The following GALNT17 variants were observed in gnomAD, a reference collection of about 807,000 sequenced individuals.
GALNT17 encodes the protein polypeptide N-acetylgalactosaminyltransferase 17, also known as UDP-GalNAc:polypeptide N-acetylgalactosaminyltransferase-like 3.
GALNT17 carries 29 observed loss-of-function variants against 63.7 expected under a neutral mutation model. The observed-to-expected ratio is 0.46, with a 90% CI of 0.34 to 0.62. The LOEUF is 0.62. Ranked by LOEUF, GALNT17 falls within the 20% of genes least tolerant of loss-of-function variation. GALNT17 has a pLI of 0.01. For synonymous variants in GALNT17, 305 were observed against 318.3 expected (o/e 0.96, Z 0.45); for missense variants, 603 against 799.6 (o/e 0.75, Z 2.97).
intron 1 of GALNT17, among the ~76,000 whole-genome samples, chr7:71,273,839 A>ATG (rs151111481): frequency 0.31 from 46,114 of 150,032 alleles, 7,425 homozygotes; most frequent in Admixed American, 0.4. Context: ...TAATGAGATA[A>ATG]TGTGTGTGTG....
chr7:71,393,297 A>C (rs943249522), intron 3 of GALNT17, among the ~76,000 whole-genome samples: 1 of 152,146 alleles, frequency 6.6e-6, no homozygotes, highest in Non-Finnish European at 1.5e-5. Context: ...TTTGATTAAA[A>C]CTTTTTTTTC....
Position 71,506,846 on chromosome 7 carries a change from G to A in GALNT17, c.963-64439G>A, listed in dbSNP as rs141604334. Among the ~76,000 whole-genome samples the A allele has an allele frequency of 7.7e-4, 118 of 152,282 alleles. 1 individual carries two copies. The highest frequency in any genetic ancestry group is 2.8e-3 in the African/African-American group (115 of 41,552). On this transcript the variant is annotated intron_variant, in intron 5 of 10. Coordinates refer to ENST00000333538, the MANE Select transcript of GALNT17 (RefSeq NM_022479.3). ...AGAACTTATTCTTCCCATCTGTTAG[G>A]TTGGTGGCAAAGTAATTGCCATTGA...
intron 1 of GALNT17, among the ~76,000 whole-genome samples, chr7:71,223,706 C>T (rs1248597630): frequency 1.3e-5 from 2 of 152,094 alleles, no homozygotes; most frequent in African/African-American, 4.8e-5. Flanking sequence ...CTCCTTCCTC[C>T]CACCCTCCAC....
intron 6 of GALNT17, among the ~76,000 whole-genome samples, chr7:71,640,335 A>G (rs1321115738): frequency 6.6e-6 from 1 of 151,492 alleles, no homozygotes; most frequent in Non-Finnish European, 1.5e-5. Context: ...TTTTTTTTTT[A>G]GATGATGGCT....
intron 1 of GALNT17, among the ~76,000 whole-genome samples, chr7:71,176,668 C>T (rs1788644313): frequency 2.0e-5 from 3 of 152,162 alleles, no homozygotes; most frequent in South Asian, 4.2e-4. Context: ...AACTTTGAGC[C>T]GAATAGGGTT....
At chr7:71,272,313 T>C (rs1447643543) in intron 1 of GALNT17, among the ~76,000 whole-genome samples, 1 of 152,208 alleles carries the variant, frequency 6.6e-6, no homozygotes, top group Non-Finnish European at 1.5e-5. Flanking sequence ...TGTGAACATA[T>C]GTTTTCATTT....
chr7:71,540,481 C>A (rs1788871307), intron 5 of GALNT17, among the ~76,000 whole-genome samples: 1 of 151,972 alleles, frequency 6.6e-6, no homozygotes, highest in Admixed American at 6.6e-5. Context: ...ATGTAGTAAG[C>A]ACCTACTGTG....
At chr7:71,169,490 G>A (rs570653140) in intron 1 of GALNT17, among the ~76,000 whole-genome samples, 15 of 152,264 alleles carry the variant, frequency 9.9e-5, no homozygotes, top group Non-Finnish European at 1.8e-4. Flanking sequence ...CTGTTTCTCC[G>A]TCTTGGTTCG....
intron 5 of GALNT17, among the ~76,000 whole-genome samples, chr7:71,512,847 G>A (rs1788383646): frequency 6.6e-6 from 1 of 152,180 alleles, no homozygotes; most frequent in East Asian, 1.9e-4. Context: ...CAGGCCTGAG[G>A]CCCAGGTCGG....
At chr7:71,530,673 T>C (rs1788705050) in intron 5 of GALNT17, among the ~76,000 whole-genome samples, 2 of 152,104 alleles carry the variant, frequency 1.3e-5, no homozygotes, top group African/African-American at 4.8e-5. Context: ...GTTCACACCA[T>C]TCTCCTGCCT....
At chr7:71,236,722 C>T (rs952709006) in intron 1 of GALNT17, among the ~76,000 whole-genome samples, 1 of 152,156 alleles carries the variant, frequency 6.6e-6, no homozygotes, top group African/African-American at 2.4e-5. Context: ...GGAATCCAGG[C>T]CAGCCCTCGG....
chr7:71,282,284 G>A (rs572026562), intron 1 of GALNT17, among the ~76,000 whole-genome samples: 1 of 152,206 alleles, frequency 6.6e-6, no homozygotes, highest in Non-Finnish European at 1.5e-5. Flanking sequence ...TTCCAGTGCA[G>A]TTTAGCAAAC....
At chr7:71,293,303 T>C (rs997439532) in intron 1 of GALNT17, among the ~76,000 whole-genome samples, 38 of 152,220 alleles carry the variant, frequency 2.5e-4, no homozygotes, top group African/African-American at 8.9e-4. Context: ...ATGTTTATGC[T>C]AATTTACAGT....
chr7:71,258,098 C>T (rs1790320648), intron 1 of GALNT17, among the ~76,000 whole-genome samples: 1 of 152,212 alleles, frequency 6.6e-6, no homozygotes, highest in African/African-American at 2.4e-5. Context: ...TCCTTAATGG[C>T]TGCCCTTGCA....
At chr7:71,491,002 T>C (rs941543373) in intron 5 of GALNT17, among the ~76,000 whole-genome samples, 6 of 152,136 alleles carry the variant, frequency 3.9e-5, no homozygotes, top group Non-Finnish European at 8.8e-5. Context: ...GAGACCAGCC[T>C]GACCAATATG....
chr7:71,234,251 T>G (rs759774650), intron 1 of GALNT17, among the ~76,000 whole-genome samples: 4 of 152,116 alleles, frequency 2.6e-5, no homozygotes, highest in Non-Finnish European at 4.4e-5. Context: ...GGACATTGCA[T>G]TTAATTTTAT....
intron 5 of GALNT17, among the ~76,000 whole-genome samples, chr7:71,495,275 CAAAAA>C (rs771107203): frequency 7.0e-6 from 1 of 142,934 alleles, no homozygotes; most frequent in South Asian, 2.2e-4. Context: ...GACACCATCT[CAAAAA>C]AAAAAGAAAA....
At chr7:71,693,254 A>G (rs1214671750) in intron 9 of GALNT17, among the ~76,000 whole-genome samples, 2 of 88,668 alleles carry the variant, frequency 2.3e-5, no homozygotes, top group Non-Finnish European at 4.0e-5. Context: ...ATATATACAC[A>G]CACACACATA....
intron 5 of GALNT17, among the ~76,000 whole-genome samples, chr7:71,566,391 CTCTTGTCAATG>C (rs1399924114): frequency 6.6e-6 from 1 of 152,146 alleles, no homozygotes; most frequent in African/African-American, 2.4e-5. Context: ...TCACTACACA[CTCTTGTCAATG>C]TTGGGTGTTT....
Sources: allele counts gnomAD v4.1 joint callset (sites outside exome capture counted in the v4.1 genomes callset), GRCh38; gene constraint gnomAD v4.1.1; transcripts MANE v1.5; gene names NCBI Gene and HGNC (gene_info 2026-07-23, HGNC 2026-07-21).